The following TBC1D31 variants were observed in gnomAD, a reference collection of about 807,000 sequenced individuals.
TBC1D31 encodes the protein TBC1 domain family member 31, also known as WD repeat domain 67.
TBC1D31 carries 99 observed loss-of-function variants against 132.9 expected under a neutral mutation model. That is an observed-to-expected ratio of 0.74 (90% confidence interval 0.63 to 0.88). The LOEUF (loss-of-function observed/expected upper bound fraction) is 0.88, where lower values mean the gene tolerates loss of function less well. Among genes scored for constraint, TBC1D31 ranks in the 40% least tolerant of loss-of-function variants. The pLI is 0.00. For synonymous variants in TBC1D31, 385 were observed against 419.4 expected, an observed-to-expected ratio of 0.92 and a Z score of 1.00; for missense variants, 1,134 against 1,256.6, an observed-to-expected ratio of 0.90 and a Z score of 1.48.
chr8:123,142,417 A>G lies in TBC1D31; in HGVS notation c.2796A>G (p.Ile932Met). The G allele has an allele frequency of 6.2e-7, 1 of 1,603,312 alleles. No homozygotes were observed. The highest frequency in any genetic ancestry group is 8.5e-7 in the Non-Finnish European group (1 of 1,176,138). ...KLLRENRRKE[I>M]EIINAMVEEE... ...TTAGGGAAAACAGAAGGAAAGAAAT[A>G]GAGATAATAAATGCAATGGTGGAGG... Residue 932 changes from isoleucine to methionine, a missense_variant, in exon 19 of 22, where the codon ATA (isoleucine) becomes ATG (methionine). Coordinates refer to ENST00000287380, the MANE Select transcript of TBC1D31 (RefSeq NM_145647.4).
downstream of TBC1D31, among the ~76,000 whole-genome samples, chr8:123,152,777 A>T (rs1413025920): frequency 2.0e-5 from 3 of 152,042 alleles, no homozygotes; most frequent in Non-Finnish European, 4.4e-5. Flanking sequence ...AGGCAGGGGG[A>T]GGGGAATCAC....
intron 1 of TBC1D31, among the ~76,000 whole-genome samples, chr8:123,073,809 C>T (rs1046582142): frequency 6.6e-6 from 1 of 151,864 alleles, no homozygotes; most frequent in African/African-American, 2.4e-5. Flanking sequence ...CCTCAGCCTC[C>T]TAAGTAGCTG....
rs1200274385 is a variant in TBC1D31, at chr8:123,134,153, G to C, written c.2446G>C (p.Asp816His). Reference protein sequence around the residue: ...RDREIAATARDLEMRQLELES... With the variant: ...RDREIAATARHLEMRQLELES... ...TCGAGAAATTGCTGCCACAGCCAGAGACCTAGAAATGAGACAGCTGGAACT... is the reference window on the plus strand; with the variant it reads ...TCGAGAAATTGCTGCCACAGCCAGACACCTAGAAATGAGACAGCTGGAACT... Residue 816 changes from aspartate (D) to histidine (H), a missense_variant, in exon 17 of 22, where the codon GAC (aspartate) becomes CAC (histidine). Asp to His is a moderately conservative substitution (Grantham distance 81). Coordinates refer to ENST00000287380, the MANE Select transcript of TBC1D31 (RefSeq NM_145647.4). 6.2e-7 allele frequency: 1 copy of C among 1,613,908 alleles called. No homozygotes were observed. The highest frequency in any genetic ancestry group is 8.5e-7 in the Non-Finnish European group (1 of 1,179,964).
chr8:123,118,155 A>G (rs550005093), intron 10 of TBC1D31, among the ~76,000 whole-genome samples: 1 of 152,348 alleles, frequency 6.6e-6, no homozygotes, highest in Admixed American at 6.5e-5. Flanking sequence ...GAGAGACAAA[A>G]CACATGTAAT....
rs762200768 is a variant in TBC1D31 at position 123,097,248 on chromosome 8, C to T, written c.672-34C>T. 5 of 1,610,388 alleles carry T rather than the reference C, an allele frequency of 3.1e-6. No homozygotes were observed. In the African/African-American group the frequency reaches 5.4e-5, roughly 17 times the overall value. Reference sequence around the variant, plus strand: ...GACAGTGCTGCTACAAACAATTGAACCCGTTTTTCTTTCTCACTTTTTTGT... The same window carrying T: ...GACAGTGCTGCTACAAACAATTGAATCCGTTTTTCTTTCTCACTTTTTTGT... On this transcript the variant is annotated intron_variant, in intron 5 of 21. Transcript: ENST00000287380.
intron 16 of TBC1D31, among the ~76,000 whole-genome samples, chr8:123,130,607 T>G (rs1331435925): frequency 6.6e-6 from 1 of 151,834 alleles, no homozygotes; most frequent in East Asian, 1.9e-4. Flanking sequence ...CATTAAGTTA[T>G]TTTTTCTTTT....
chr8:123,128,016 C>T, intron 13 of TBC1D31: 1 of 246,944 alleles, frequency 4.0e-6, no homozygotes, highest in East Asian at 8.0e-5. Context: ...AGAGTTTGTT[C>T]CATTGTTGAA....
intron 20 of TBC1D31, among the ~76,000 whole-genome samples, chr8:123,148,482 A>T (rs1263284624): frequency 1.3e-5 from 2 of 152,110 alleles, no homozygotes; most frequent in Non-Finnish European, 2.9e-5. Context: ...TGGCGCCTGT[A>T]ATCCTAGCAA....
chr8:123,128,294 A>T lies in TBC1D31; in HGVS notation c.1898A>T (p.His633Leu). The T allele has an allele frequency of 6.3e-7, 1 of 1,590,374 alleles. No individual in the cohort carries two copies. Among genetic ancestry groups the T allele is most frequent in the Non-Finnish European group, 8.6e-7 (1 of 1,165,148 alleles). ...GTTTTCTTACAGTTTTTTTTTCACCATCGGAATAACCTGGATATAAATGTT... is the reference window on the plus strand; with the variant it reads ...GTTTTCTTACAGTTTTTTTTTCACCTTCGGAATAACCTGGATATAAATGTT... The part of the protein sequence containing the change: ...LKDDFEFFFH[H>L]RNNLDINVVI... Residue 633 changes from histidine to leucine, a missense_variant, in exon 14 of 22, where the codon CAT becomes CTT. Transcript: ENST00000287380.
downstream of TBC1D31, among the ~76,000 whole-genome samples, chr8:123,152,360 G>A (rs949929145): frequency 6.6e-6 from 1 of 151,956 alleles, no homozygotes; most frequent in Non-Finnish European, 1.5e-5. Context: ...GCCCACCCCC[G>A]CCTCTGCCAG....
rs187590589 is a variant in TBC1D31, at chr8:123,100,737, G to A, written c.832-70G>A. ...ACAAACGTTGCATACACGTAAAGAC[G>A]TGTATATAGTAGGACTTTCAGACAT... On this transcript the variant is annotated intron_variant, in intron 6 of 21. Transcript: ENST00000287380. 141 of 1,162,442 alleles carry A rather than the reference G, an allele frequency of 1.2e-4. No homozygotes were observed. The Admixed American group carries it at 2.0e-3, about 17-fold the overall frequency. 72.0% of individuals were successfully genotyped at this position (1,162,442 alleles called of 1,614,324 possible).
chr8:123,100,466 C>T (rs911616408), intron 6 of TBC1D31, among the ~76,000 whole-genome samples: 4 of 152,054 alleles, frequency 2.6e-5, no homozygotes, highest in Non-Finnish European at 5.9e-5. Context: ...ATCCCAGCTA[C>T]TCAGCAGGGT....
chr8:123,086,796 T>C (rs1181961163), intron 4 of TBC1D31, among the ~76,000 whole-genome samples: 1 of 151,836 alleles, frequency 6.6e-6, no homozygotes, highest in Admixed American at 6.6e-5. Context: ...GTCAGCTCGC[T>C]ACAACCTCTG....
intron 4 of TBC1D31, among the ~76,000 whole-genome samples, chr8:123,088,081 G>A (rs541518539): frequency 6.6e-6 from 1 of 152,112 alleles, no homozygotes; most frequent in East Asian, 1.9e-4. Context: ...CCCAGCTACT[G>A]GGGAGGCTGA....
At chr8:123,094,537 T>G (rs1315822433) in intron 5 of TBC1D31, among the ~76,000 whole-genome samples, 1 of 151,540 alleles carries the variant, frequency 6.6e-6, no homozygotes, top group Non-Finnish European at 1.5e-5. Context: ...ATTTATTTAT[T>G]TATTTATTTA....
At chr8:123,088,240 G>A (rs1184544069) in intron 4 of TBC1D31, among the ~76,000 whole-genome samples, 2 of 151,618 alleles carry the variant, frequency 1.3e-5, no homozygotes, top group Non-Finnish European at 2.9e-5. Context: ...TAAGTTATCA[G>A]CAAATTTTTC....
chr8:123,140,661 C>T, intron 17 of TBC1D31, 100 bp from the exon 18 acceptor site: 1 of 876,976 alleles, frequency 1.1e-6, no homozygotes, highest in East Asian at 3.1e-5. Context: ...TAGATGATTA[C>T]AGCTTTTATT....
chr8:123,111,086 T>C (rs185158085), intron 10 of TBC1D31, among the ~76,000 whole-genome samples: 240 of 151,092 alleles, frequency 1.6e-3, no homozygotes, highest in African/African-American at 5.2e-3. Context: ...TTGATCTGAG[T>C]CAAGGTTTTT....
chr8:123,153,569 G>A (rs1378387586), downstream of TBC1D31, among the ~76,000 whole-genome samples: 2 of 152,146 alleles, frequency 1.3e-5, no homozygotes, highest in Non-Finnish European at 2.9e-5. Flanking sequence ...GCCTTAGCAC[G>A]TTTCAGATAC....
Sources: gnomAD v4.1 joint callset for allele counts (sites outside exome capture counted in the v4.1 genomes callset) on GRCh38, gnomAD v4.1.1 for gene constraint, MANE v1.5 for transcripts, NCBI Gene and HGNC (gene_info 2026-07-23, HGNC 2026-07-21) for gene names.